RBBP4: variants seen among roughly 807,000 people sequenced by gnomAD.
The protein encoded by RBBP4 is RB binding protein 4, chromatin remodeling factor, also known as histone-binding protein RBBP4.
Under a neutral mutation model 57.2 loss-of-function variants are expected in RBBP4, and 3 were observed. That is an observed-to-expected ratio of 0.05 (90% CI 0.02 to 0.14). RBBP4 has a LOEUF of 0.14. RBBP4 is among the 10% of genes least tolerant of loss of function. The probability of loss-of-function intolerance (pLI) is 1.00; values close to 1 mark genes in which losing one functional copy is unlikely to be tolerated. For synonymous variants in RBBP4, 151 were observed against 171.5 expected (o/e 0.88, Z 0.93); for missense variants, 107 against 520.6 (o/e 0.21, Z 7.73).
intron 2 of RBBP4, among the ~76,000 whole-genome samples, chr1:32,653,087 T>G (rs1295288024): frequency 6.6e-6 from 1 of 152,162 alleles, no homozygotes; most frequent in Admixed American, 6.5e-5. Flanking sequence ...AGGTAGCTTA[T>G]CTCTAGTAGA....
chr1:32,668,418 C>T lies in RBBP4; in HGVS notation c.484+20C>T. ...AACCAGGTATGTGCCCTTTTCTATT[C>T]AAATACAAATGAGTCACTATAGAAA... On this transcript the variant is annotated intron_variant, in intron 4 of 11. Coordinates refer to ENST00000373493, the MANE Select transcript of RBBP4 (RefSeq NM_005610.3). 1 of 1,546,760 alleles carries T rather than the reference C, an allele frequency of 6.5e-7. No individual in the cohort carries two copies. Among genetic ancestry groups the T allele is most frequent in the Non-Finnish European group, 8.9e-7 (1 of 1,124,502 alleles).
At chr1:32,662,752 G>A (rs1033724118) in intron 3 of RBBP4, among the ~76,000 whole-genome samples, 7 of 151,782 alleles carry the variant, frequency 4.6e-5, no homozygotes, top group African/African-American at 1.2e-4. Context: ...TTGGGAGGCC[G>A]AGGCTTATGG....
rs1270253112 is a variant in RBBP4 at position 32,681,942 on chromosome 1, C to T, written c.*2237C>T. The T allele has an allele frequency of 7.7e-7, 1 of 1,294,640 alleles. No individual in the cohort carries two copies. The highest frequency in any genetic ancestry group is 1.2e-5 in the South Asian group (1 of 82,718). 80.2% of individuals were successfully genotyped at this position (1,294,640 alleles called of 1,614,324 possible). A position where few individuals can be genotyped will look rare whatever the true frequency, so the allele number is the denominator to read the frequency against. ...AGGCTTTGTTGAGAAGAGATTGTTA[C>T]AGTGTGATTTATGGATGATCAGGGA... is the stretch of plus-strand genomic sequence containing the variant. On this transcript the variant is annotated 3_prime_UTR_variant, in exon 12 of 12. Coordinates refer to ENST00000373493, the MANE Select transcript of RBBP4 (RefSeq NM_005610.3).
intron 2 of RBBP4, among the ~76,000 whole-genome samples, chr1:32,653,642 TTTTTTTTTTTTTTTTTTGTTTTTG>T (rs1449509463): frequency 1.1e-3 from 22 of 20,200 alleles, no homozygotes; most frequent in East Asian, 3.7e-3. Context: ...TTCTGGTTTT[TTTTTTTTTTTTTTTTTTGTTTTTG>T]TTTTTTTTTT....
chr1:32,653,520 C>T (rs1161045845), intron 2 of RBBP4, among the ~76,000 whole-genome samples: 2 of 151,824 alleles, frequency 1.3e-5, no homozygotes, highest in East Asian at 3.9e-4. Flanking sequence ...GAGGCTGCTA[C>T]CTTTACAGTG....
chr1:32,651,714 G>C, intron 1 of RBBP4, 200 bp from the exon 2 acceptor site: 1 of 788,802 alleles, frequency 1.3e-6, no homozygotes, highest in Non-Finnish European at 2.0e-6. Flanking sequence ...GGCCTGGAAC[G>C]GGTAACGGAG....
In RBBP4 at chr1:32,681,991, G is replaced by A; in HGVS notation, c.*2286G>A. 1 of 759,026 alleles carries A rather than the reference G, an allele frequency of 1.3e-6. No homozygotes were observed. 47.0% of individuals were successfully genotyped at this position (759,026 alleles called of 1,614,324 possible). ...GATGACTTTCCCCTAGCAAATATTTGGATGCCTCCTGTTTGTCAAATAGAA... is the reference window on the plus strand; with the variant it reads ...GATGACTTTCCCCTAGCAAATATTTAGATGCCTCCTGTTTGTCAAATAGAA... On this transcript the variant is annotated 3_prime_UTR_variant, in exon 12 of 12. Coordinates refer to ENST00000373493, the MANE Select transcript of RBBP4 (RefSeq NM_005610.3).
intron 3 of RBBP4, among the ~76,000 whole-genome samples, chr1:32,661,005 G>A (rs914934234): frequency 6.6e-6 from 1 of 151,762 alleles, no homozygotes; most frequent in Non-Finnish European, 1.5e-5. Flanking sequence ...TAGAGAGTAG[G>A]TCTCACCACG....
chr1:32,664,623 TTGTA>T (rs1442617716), intron 3 of RBBP4, among the ~76,000 whole-genome samples: 1 of 152,082 alleles, frequency 6.6e-6, no homozygotes, highest in Non-Finnish European at 1.5e-5. Flanking sequence ...CAGCTAATTT[TTGTA>T]TTTTTAGTAG....
chr1:32,653,399 T>C (rs1647976758), intron 2 of RBBP4, among the ~76,000 whole-genome samples: 1 of 152,176 alleles, frequency 6.6e-6, no homozygotes, highest in Non-Finnish European at 1.5e-5. Flanking sequence ...AGTAAATTCC[T>C]TCAAAACTTG....
At chr1:32,672,325 G>C (rs1648913723) in intron 8 of RBBP4, 125 bp from the exon 9 acceptor site, 4 of 749,400 alleles carry the variant, frequency 5.3e-6, no homozygotes, top group Non-Finnish European at 8.7e-6. Flanking sequence ...ACTGTAACGT[G>C]TATAATACCT....
intron 11 of RBBP4, among the ~76,000 whole-genome samples, chr1:32,673,969 C>T (rs1648989038): frequency 6.6e-6 from 1 of 151,814 alleles, no homozygotes; most frequent in Middle Eastern, 3.2e-3. Context: ...GGCGTGGTGG[C>T]GGGCGCCTGT....
intron 3 of RBBP4, among the ~76,000 whole-genome samples, chr1:32,667,375 G>C (rs1227795952): frequency 6.6e-6 from 1 of 152,246 alleles, no homozygotes; most frequent in Non-Finnish European, 1.5e-5. Flanking sequence ...CTGCCTGAAA[G>C]GGAAGGGCCC....
chr1:32,667,952 T>G (rs1648726057), intron 3 of RBBP4, among the ~76,000 whole-genome samples: 1 of 152,140 alleles, frequency 6.6e-6, no homozygotes, highest in South Asian at 2.1e-4. Flanking sequence ...ATATGCAATG[T>G]TTTTCTGAAT....
At chr1:32,675,397 T>C (rs1261176089) in intron 11 of RBBP4, among the ~76,000 whole-genome samples, 1 of 152,110 alleles carries the variant, frequency 6.6e-6, no homozygotes, top group Non-Finnish European at 1.5e-5. Flanking sequence ...GACTAACAGA[T>C]TGTACTACAT....
intron 11 of RBBP4, among the ~76,000 whole-genome samples, chr1:32,674,405 T>A (rs919699398): frequency 4.6e-5 from 7 of 152,128 alleles, no homozygotes; most frequent in Non-Finnish European, 8.8e-5. Flanking sequence ...GGTTAATTTT[T>A]AAAATTTTTT....
chr1:32,661,485 G>T (rs1022505535), intron 3 of RBBP4, among the ~76,000 whole-genome samples: 1 of 151,506 alleles, frequency 6.6e-6, no homozygotes, highest in African/African-American at 2.4e-5. Flanking sequence ...GTAGAGATGG[G>T]GTTTCTCCAT....
In RBBP4 at chr1:32,685,888, A is replaced by T. The variant is rs2148546890; in HGVS notation, c.*6183A>T. On this transcript the variant is annotated 3_prime_UTR_variant, in exon 12 of 12. Coordinates refer to ENST00000373493, the MANE Select transcript of RBBP4 (RefSeq NM_005610.3). ...GTGTTAACCACTAGATTAACTTTAC[A>T]ATCAACTCAAAATCCTTCAAAGGCT... 6.6e-6 allele frequency: 1 copy of T among 152,314 alleles called. No individual in the cohort carries two copies. Among genetic ancestry groups the T allele is most frequent in the Middle Eastern group, 3.4e-3 (1 of 292 alleles). The allele number at this position is 152,314 out of a possible 1,614,324, so 9.4% of individuals were successfully genotyped here.
intron 2 of RBBP4, among the ~76,000 whole-genome samples, chr1:32,655,040 G>A (rs1557850536): frequency 6.6e-6 from 1 of 151,998 alleles, no homozygotes; most frequent in African/African-American, 2.4e-5. Flanking sequence ...CCCAGACTGT[G>A]TTGCAGTGGC....
Sources: gnomAD v4.1 joint callset for allele counts (sites outside exome capture counted in the v4.1 genomes callset) on GRCh38, gnomAD v4.1.1 for gene constraint, MANE v1.5 for transcripts, NCBI Gene and HGNC (gene_info 2026-07-23, HGNC 2026-07-21) for gene names.